The following AFF1 variants were observed in gnomAD, a reference collection of about 807,000 sequenced individuals.
The protein encoded by AFF1 is ALF transcription elongation factor 1.
Under a neutral mutation model 121.7 loss-of-function variants are expected in AFF1, and 48 were observed. The ratio of observed to expected loss-of-function variants is 0.39; its 90% CI spans 0.31 to 0.50. The LOEUF is 0.50. Among genes scored for constraint, AFF1 ranks in the 20% least tolerant of loss-of-function variants. The pLI is 0.76. For synonymous variants in AFF1, 613 were observed against 563.0 expected (o/e 1.09, Z -1.26); for missense variants, 1,523 against 1,511.7 (o/e 1.01, Z -0.12).
intron 2 of AFF1, among the ~76,000 whole-genome samples, chr4:86,951,187 G>A (rs757628518): frequency 7.9e-5 from 12 of 152,022 alleles, no homozygotes; most frequent in African/African-American, 2.9e-4. Context: ...GAATAGCTTC[G>A]GCTCTTTTAA....
At position 87,134,530 on chromosome 4, in the gene AFF1, C is replaced by T. The variant is rs781064831; in HGVS notation, c.3371C>T (p.Ser1124Phe). Residue 1124 changes from serine (S) to phenylalanine (F), a missense_variant, in exon 20 of 21, where the codon TCC (serine) becomes TTC (phenylalanine). By Grantham distance (155) the Ser-to-Phe change is radical (BLOSUM62 -2). This residue lies in a region of AFF1 where 241 missense variants were observed against 265.2 expected (regional missense o/e 0.91). Coordinates refer to ENST00000395146, the MANE Select transcript of AFF1 (RefSeq NM_001166693.3). ...CCTTCTCCTGCCAGCTCCGTAGGGT[C>T]CCAGTCAAGTGCTGGCAGTGTGGGG... Reference protein sequence around the residue: ...PMPSPASSVGSQSSAGSVGSS... With the variant: ...PMPSPASSVGFQSSAGSVGSS... The T allele has an allele frequency of 1.2e-6, 2 of 1,613,814 alleles. No homozygotes were observed. Among genetic ancestry groups the T allele is most frequent in the Admixed American group, 3.3e-5 (2 of 60,000 alleles).
rs752534774 is a variant in AFF1, at chr4:87,037,608, C to T, written c.39-8558C>T. Among the ~76,000 whole-genome samples, 3 of 152,076 alleles carry T rather than the reference C, an allele frequency of 2.0e-5. No individual in the cohort carries two copies. In the South Asian group the frequency reaches 6.2e-4, roughly 32 times the overall value. On this transcript the variant is annotated intron_variant, in intron 2 of 20. Coordinates refer to ENST00000395146, the MANE Select transcript of AFF1 (RefSeq NM_001166693.3). ...GATTACAGGCATGAACCACTGCTCTCGGCCCTGCTTGGTAGGTTTTTGTGA... is the reference window on the plus strand; with the variant it reads ...GATTACAGGCATGAACCACTGCTCTTGGCCCTGCTTGGTAGGTTTTTGTGA...
chr4:87,034,596 T>C (rs1729381720), intron 2 of AFF1, among the ~76,000 whole-genome samples: 2 of 152,236 alleles, frequency 1.3e-5, no homozygotes, highest in Non-Finnish European at 2.9e-5. Flanking sequence ...ACGTAGTACC[T>C]TTTCTTTTAC....
chr4:87,050,731 A>ACGT, intron 4 of AFF1, among the ~76,000 whole-genome samples: 1 of 152,338 alleles, frequency 6.6e-6, no homozygotes, highest in African/African-American at 2.4e-5. Flanking sequence ...CGTCAACTGG[A>ACGT]AGATGTCTAG....
intron 2 of AFF1, among the ~76,000 whole-genome samples, chr4:86,970,681 G>A (rs745940713): frequency 2.6e-4 from 39 of 152,162 alleles, no homozygotes; most frequent in Admixed American, 2.0e-3. Flanking sequence ...TCAGCTGGAT[G>A]AAGGAAAGGT....
intron 2 of AFF1, among the ~76,000 whole-genome samples, chr4:87,008,719 C>A (rs1726425648): frequency 6.6e-6 from 1 of 151,176 alleles, no homozygotes. Flanking sequence ...AATCTTAATA[C>A]AATTGTTGCA....
chr4:87,059,679 C>T (rs1249782737), intron 4 of AFF1, among the ~76,000 whole-genome samples: 2 of 152,192 alleles, frequency 1.3e-5, no homozygotes, highest in Non-Finnish European at 2.9e-5. Flanking sequence ...TTGCCTCTTA[C>T]CTGTCTCTGC....
chr4:87,061,105 T>C (rs1374651722), intron 4 of AFF1, among the ~76,000 whole-genome samples: 1 of 152,232 alleles, frequency 6.6e-6, no homozygotes, highest in Non-Finnish European at 1.5e-5. Flanking sequence ...ATGACTCACC[T>C]GTAGTTCAGA....
rs151117808 is a variant in AFF1 at position 86,942,288 on chromosome 4, G to C, written c.-36-6210G>C. Among the ~76,000 whole-genome samples the C allele has an allele frequency of 9.4e-3, 1,425 of 152,314 alleles. 29 individuals carry two copies. Among genetic ancestry groups the C allele is most frequent in the African/African-American group, 0.033 (1,367 of 41,544 alleles). On this transcript the variant is annotated intron_variant, in intron 1 of 20. Transcript: ENST00000395146. ...ACCAGCCCACAGGGAATGAGGTAGA[G>C]ACATTTTCTACCAATATCCATGTGC...
At chr4:87,083,113 C>G (rs780077888) in intron 4 of AFF1, among the ~76,000 whole-genome samples, 4 of 152,134 alleles carry the variant, frequency 2.6e-5, no homozygotes, top group Non-Finnish European at 5.9e-5. Flanking sequence ...TTCCATGTCT[C>G]TAGTTCAGAA....
intron 2 of AFF1, among the ~76,000 whole-genome samples, chr4:86,983,675 C>G (rs1444994606): frequency 6.6e-6 from 1 of 151,874 alleles, no homozygotes; most frequent in Non-Finnish European, 1.5e-5. Context: ...CGCCTCTGCA[C>G]TCTAGCCTGG....
At chr4:87,038,910 C>T (rs1470035109) in intron 2 of AFF1, among the ~76,000 whole-genome samples, 1 of 152,134 alleles carries the variant, frequency 6.6e-6, no homozygotes, top group Non-Finnish European at 1.5e-5. Flanking sequence ...TGACATGTAT[C>T]AGAGGAAGGC....
At chr4:87,015,437 G>A (rs1013299751) in intron 2 of AFF1, among the ~76,000 whole-genome samples, 14 of 152,166 alleles carry the variant, frequency 9.2e-5, no homozygotes, top group Non-Finnish European at 1.8e-4. Context: ...AAAAATATTG[G>A]AAAGAATTAT....
intron 2 of AFF1, among the ~76,000 whole-genome samples, chr4:86,972,682 C>T (rs1723028493): frequency 6.6e-6 from 1 of 152,020 alleles, no homozygotes; most frequent in Admixed American, 6.6e-5. Context: ...GGATTACAGG[C>T]GTGCACCACT....
At chr4:86,959,117 C>G (rs1469064646) in intron 2 of AFF1, among the ~76,000 whole-genome samples, 2 of 152,156 alleles carry the variant, frequency 1.3e-5, no homozygotes, top group Non-Finnish European at 2.9e-5. Context: ...TTCCTGGTTT[C>G]TAATGTCAAT....
chr4:87,121,565 T>G (rs1166505071), intron 12 of AFF1, among the ~76,000 whole-genome samples: 15 of 151,888 alleles, frequency 9.9e-5, no homozygotes, highest in Admixed American at 9.8e-4. Context: ...ATGACAAAGT[T>G]CTAAGTGCAT....
intron 2 of AFF1, among the ~76,000 whole-genome samples, chr4:86,996,134 T>C (rs888518087): frequency 6.9e-5 from 10 of 145,740 alleles, no homozygotes; most frequent in Non-Finnish European, 1.1e-4. Flanking sequence ...CCAGCCGCCC[T>C]GTCCGGGAGG....
chr4:87,111,455 G>A (rs1405325201), intron 11 of AFF1, among the ~76,000 whole-genome samples: 1 of 152,042 alleles, frequency 6.6e-6, no homozygotes, highest in Non-Finnish European at 1.5e-5. Context: ...CCGGGTTCAA[G>A]TGATTCTCCT....
At chr4:87,021,835 T>G (rs28667805) in intron 2 of AFF1, among the ~76,000 whole-genome samples, 10,016 of 152,318 alleles carry the variant, frequency 0.066, 632 homozygotes, top group African/African-American at 0.16. Context: ...TTGGGATTAC[T>G]TTAGACTGTT....
Sources: allele counts gnomAD v4.1 joint callset (sites outside exome capture counted in the v4.1 genomes callset), GRCh38; gene constraint gnomAD v4.1.1; regional missense constraint gnomAD v4.1.1; transcripts MANE v1.5; gene names NCBI Gene and HGNC (gene_info 2026-07-23, HGNC 2026-07-21).